Variants in CACNA1B observed in about 807,000 individuals in gnomAD.
CACNA1B encodes calcium voltage-gated channel subunit alpha1 B.
Under a neutral mutation model 247.2 loss-of-function variants are expected in CACNA1B, and 70 were observed. That is an observed-to-expected ratio of 0.28 (90% CI 0.23 to 0.35). CACNA1B has a LOEUF of 0.35. Among genes scored for constraint, CACNA1B ranks in the 10% least tolerant of loss-of-function variants. CACNA1B has a pLI of 1.00. For synonymous variants in CACNA1B, 1,231 were observed against 1,294.4 expected, an observed-to-expected ratio of 0.95 and a Z score of 1.05; for missense variants, 2,367 against 3,197.4, an observed-to-expected ratio of 0.74 and a Z score of 6.26.
At chr9:138,093,989 T>A (rs1960969386) in intron 36 of CACNA1B, among the ~76,000 whole-genome samples, 1 of 152,224 alleles carries the variant, frequency 6.6e-6, no homozygotes, top group Non-Finnish European at 1.5e-5. Flanking sequence ...ATAGCAGTGT[T>A]ACTCACAATA....
intron 15 of CACNA1B, among the ~76,000 whole-genome samples, chr9:137,995,705 T>G (rs1958491253): frequency 6.6e-6 from 1 of 152,184 alleles, no homozygotes; most frequent in South Asian, 2.1e-4. Flanking sequence ...CTACAAAGCT[T>G]CTGCACAGCA....
chr9:137,897,574 CG>C (rs1957186507), intron 3 of CACNA1B, among the ~76,000 whole-genome samples: 1 of 152,026 alleles, frequency 6.6e-6, no homozygotes, highest in Admixed American at 6.6e-5. Context: ...AGCAAGACTC[CG>C]TCTCAAAAAA....
intron 6 of CACNA1B, among the ~76,000 whole-genome samples, chr9:137,935,920 G>A (rs1009262492): frequency 1.3e-5 from 2 of 152,146 alleles, no homozygotes; most frequent in Admixed American, 6.5e-5. Context: ...GCAGTGGCAC[G>A]ATCTCGGCTC....
rs1401941947 is a variant in CACNA1B, at chr9:138,112,461, A to G, written c.5492A>G (p.Asn1831Ser). 11 of 1,613,524 alleles carry G rather than the reference A, an allele frequency of 6.8e-6. No individual in the cohort carries two copies. The African/African-American group carries it at 8.0e-5, about 12-fold the overall frequency. The change falls in exon 40 of 47, where the codon AAT becomes AGT. Residue 1831 changes from asparagine (N) to serine (S), a missense_variant. By Grantham distance (46) the Asn-to-Ser change is conservative. This residue lies in a region of CACNA1B where 773 missense variants were observed against 779.4 expected (regional missense o/e 0.99). Transcript: ENST00000371372. ...LRKEISVVWANLPQKTLDLLV... is the reference protein window; with the variant it reads ...LRKEISVVWASLPQKTLDLLV... ...AAGGAGATTTCCGTTGTGTGGGCCA[A>G]TCTGCCCCAGAAGACTTTGGACTTG...
chr9:137,994,591 A>T (rs1409435623), intron 15 of CACNA1B, among the ~76,000 whole-genome samples: 1 of 152,248 alleles, frequency 6.6e-6, no homozygotes, highest in Non-Finnish European at 1.5e-5. Context: ...TCAAATAAAG[A>T]ACTCAACCCC....
In CACNA1B at chr9:137,986,612, G is replaced by C; in HGVS notation, c.1901+68G>C. On this transcript the variant is annotated intron_variant, in intron 14 of 46. Transcript: ENST00000371372. The surrounding 1 kb of genome is among the most constrained non-coding windows in gnomAD (Gnocchi z 6.0). The stretch of plus-strand genomic sequence containing the variant: ...AGGGAAGCAGAGCTCAGAGCAGACG[G>C]TGCCGCCCAGGCTGCCTCCACCCAC... 1 of 1,585,706 alleles carries C rather than the reference G, an allele frequency of 6.3e-7. No individual in the cohort carries two copies. The highest frequency in any genetic ancestry group is 1.1e-5 in the South Asian group (1 of 89,968).
At chr9:138,096,958 G>A (rs1961076420) in intron 37 of CACNA1B, among the ~76,000 whole-genome samples, 1 of 151,572 alleles carries the variant, frequency 6.6e-6, no homozygotes, top group African/African-American at 2.4e-5. Flanking sequence ...CTTCTTTCAA[G>A]GCCTGTCATG....
chr9:138,016,736 G>T (rs578025786), intron 18 of CACNA1B, among the ~76,000 whole-genome samples: 70 of 152,234 alleles, frequency 4.6e-4, no homozygotes, highest in African/African-American at 1.7e-3. Flanking sequence ...CCATCTTGAG[G>T]GCCGGGAGAC....
At position 137,986,863 on chromosome 9, in the gene CACNA1B, C is replaced by T. The variant is rs201156091; in HGVS notation, c.1974+9C>T. 2.0e-5 allele frequency: 32 copies of T among 1,609,328 alleles called. No individual in the cohort carries two copies. The highest frequency in any genetic ancestry group is 4.5e-5 in the East Asian group (2 of 44,834). ...TCCTCACTGTCTTCCAGGTAAGGCA[C>T]CTGCTCTGCACATTTGCGGCCTGCC... On this transcript the variant is annotated intron_variant, in intron 15 of 46. Coordinates refer to ENST00000371372, the MANE Select transcript of CACNA1B (RefSeq NM_000718.4). The surrounding 1 kb of genome is among the most constrained non-coding windows in gnomAD (Gnocchi z 6.0).
rs373993910 is a variant in CACNA1B, at chr9:138,042,479, C to G, written c.3287-1295C>G. Among the ~76,000 whole-genome samples the G allele has an allele frequency of 3.9e-5, 6 of 152,268 alleles. No homozygotes were observed. In the East Asian group the frequency reaches 1.2e-3, roughly 29 times the overall value. ...TAAACAAAAACAAAAAAAAAACTTG[C>G]AACAAAACTTTTGGGAATACATATT... On this transcript the variant is annotated intron_variant, in intron 20 of 46. Transcript: ENST00000371372.
chr9:138,043,469 G>A (rs113598022), intron 20 of CACNA1B, among the ~76,000 whole-genome samples: 1 of 152,148 alleles, frequency 6.6e-6, no homozygotes, highest in Non-Finnish European at 1.5e-5. Flanking sequence ...GCTTCTCAGC[G>A]CATCGAGGCC....
intron 44 of CACNA1B, among the ~76,000 whole-genome samples, chr9:138,119,530 G>A (rs547961751): frequency 3.9e-5 from 6 of 152,278 alleles, no homozygotes; most frequent in South Asian, 2.1e-4. Flanking sequence ...AACCTCGTCC[G>A]TGGCTCGTCT....
rs1449066153 is a variant in CACNA1B, at chr9:138,011,592, C to T, written c.2160+1515C>T. On this transcript the variant is annotated intron_variant, in intron 17 of 46. Transcript: ENST00000371372. This position sits in a 1 kb window ranked among gnomAD's most constrained non-coding sequence, Gnocchi z 4.2. ...GGATAAACTTGAATTTGTTTTAGACCTTCCAGGGGACTTTAGAACACTCCC... is the reference window on the plus strand; with the variant it reads ...GGATAAACTTGAATTTGTTTTAGACTTTCCAGGGGACTTTAGAACACTCCC... Among the ~76,000 whole-genome samples, 4 of 151,908 alleles carry T rather than the reference C, an allele frequency of 2.6e-5. No homozygotes were observed.
chr9:137,942,170 T>C (rs373012593), intron 6 of CACNA1B, among the ~76,000 whole-genome samples: 1 of 152,110 alleles, frequency 6.6e-6, no homozygotes, highest in African/African-American at 2.4e-5. Flanking sequence ...GCTAAGGACA[T>C]GAATAGACGA....
At chr9:138,092,809 C>A (rs1393586013) in intron 36 of CACNA1B, among the ~76,000 whole-genome samples, 1 of 152,200 alleles carries the variant, frequency 6.6e-6, no homozygotes, top group Non-Finnish European at 1.5e-5. Context: ...TCCATGAAAT[C>A]TTCACAATTT....
At chr9:137,887,399 G>A (rs1957031178) in intron 3 of CACNA1B, among the ~76,000 whole-genome samples, 1 of 152,018 alleles carries the variant, frequency 6.6e-6, no homozygotes, top group South Asian at 2.1e-4. Context: ...TTATGAAGTT[G>A]GGGGTTTGCA....
chr9:138,091,062 A>G (rs1960862850), intron 36 of CACNA1B, among the ~76,000 whole-genome samples: 1 of 152,188 alleles, frequency 6.6e-6, no homozygotes, highest in African/African-American at 2.4e-5. Context: ...AGGGAAATCA[A>G]TTATGTCAGA....
intron 36 of CACNA1B, among the ~76,000 whole-genome samples, chr9:138,080,935 C>CT (rs1209611810): frequency 6.6e-6 from 1 of 152,212 alleles, no homozygotes; most frequent in African/African-American, 2.4e-5. Context: ...ACCTACAAAA[C>CT]TGTGTTTCAC....
At position 138,078,273 on chromosome 9, in the gene CACNA1B, C is replaced by T. The variant is rs1237835672; in HGVS notation, c.5094+15C>T. On this transcript the variant is annotated intron_variant, in intron 36 of 46. Coordinates refer to ENST00000371372, the MANE Select transcript of CACNA1B (RefSeq NM_000718.4). ...GCTCCTTTCTGGTGAGTCCTGGGCA[C>T]TGTGCCCCTCCCAGTGCCACGTCTT... The T allele has an allele frequency of 1.2e-6, 2 of 1,613,012 alleles. No homozygotes were observed. The highest frequency in any genetic ancestry group is 2.7e-5 in the African/African-American group (2 of 75,036).
Sources: gnomAD v4.1 joint callset for allele counts (sites outside exome capture counted in the v4.1 genomes callset) on GRCh38, gnomAD v4.1.1 for gene constraint, gnomAD v4.1.1 regional missense constraint, Gnocchi (gnomAD v3.1) non-coding constraint, MANE v1.5 for transcripts, NCBI Gene and HGNC (gene_info 2026-07-23, HGNC 2026-07-21) for gene names.